The following PKD1L1 variants were observed in gnomAD, a reference collection of about 807,000 sequenced individuals.
PKD1L1 encodes polycystin-1-like protein 1.
PKD1L1 carries 236 observed loss-of-function variants against 323.4 expected under a neutral mutation model. The ratio of observed to expected loss-of-function variants is 0.73; its 90% CI spans 0.66 to 0.81. The LOEUF (loss-of-function observed/expected upper bound fraction) is 0.81, where lower values mean the gene tolerates loss of function less well. Ranked by LOEUF, PKD1L1 falls within the 40% of genes least tolerant of loss-of-function variation. PKD1L1 has a pLI of 0.00. For synonymous variants in PKD1L1, 1,344 were observed against 1,335.0 expected (o/e 1.01, Z -0.15); for missense variants, 3,320 against 3,508.0 (o/e 0.95, Z 1.35).
chr7:47,836,364 G>C (rs1785458280), intron 37 of PKD1L1, among the ~76,000 whole-genome samples: 1 of 152,148 alleles, frequency 6.6e-6, no homozygotes. Context: ...TGTTGTCGTA[G>C]TAAACAAGTC....
Position 47,839,463 on chromosome 7 carries a change from C to CG in PKD1L1, c.5751_5752insC (p.Gly1918ArgfsTer116). ...GAGCCTACCTTCCGGAAGCCGAGTC[C>CG]CCCTTGCAGACAGGTGAGCTCCCGC... On this transcript the variant is annotated frameshift_variant, in exon 36 of 57. Transcript: ENST00000289672. LOFTEE classifies it high-confidence loss of function. The surrounding 1 kb of genome is among the most constrained non-coding windows in gnomAD (Gnocchi z 4.3). The CG allele has an allele frequency of 1.9e-6, 3 of 1,610,456 alleles. No individual in the cohort carries two copies. Among genetic ancestry groups the CG allele is most frequent in the Non-Finnish European group, 2.5e-6 (3 of 1,178,412 alleles).
chr7:47,852,435 C>T (rs1208368617), intron 31 of PKD1L1, among the ~76,000 whole-genome samples: 1 of 152,038 alleles, frequency 6.6e-6, no homozygotes, highest in African/African-American at 2.4e-5. Context: ...TAACTATATC[C>T]CAGTAAACAT....
At chr7:47,957,862 A>ATATATATATATAT in the PKD1L1 span, among the ~76,000 whole-genome samples, 1,903 of 134,620 alleles carry the variant, frequency 0.014, 27 homozygotes, top group Non-Finnish European at 0.022. Context: ...ATTAAAAAAA[A>ATATATATATATAT]ATATATATAT....
At chr7:47,905,524 A>C (rs1386159337) in intron 10 of PKD1L1, among the ~76,000 whole-genome samples, 199 bp from the exon 11 acceptor site, 1 of 152,208 alleles carries the variant, frequency 6.6e-6, no homozygotes, top group Non-Finnish European at 1.5e-5. Context: ...AAGGCCCCAA[A>C]GTGCTTGCAC....
In PKD1L1 at chr7:47,929,488, C is replaced by G. The variant is rs141188059; in HGVS notation, c.776G>C (p.Ser259Thr). ...GLPPGIPRTP[S>T]FTASQSGSEI... ...AGAACCAGACTGCGATGCCGTGAAG[C>G]TGGGGGTGCGAGGAATGCCAGGCGG... Residue 259 changes from serine to threonine, a missense_variant, in exon 7 of 57, where the codon AGC (serine) becomes ACC (threonine). Coordinates refer to ENST00000289672, the MANE Select transcript of PKD1L1 (RefSeq NM_138295.5). The G allele has an allele frequency of 1.2e-4, 191 of 1,613,902 alleles. No homozygotes were observed. The highest frequency in any genetic ancestry group is 1.6e-4 in the Non-Finnish European group (187 of 1,179,952).
At chr7:47,936,161 T>A (rs1026447691) in intron 4 of PKD1L1, among the ~76,000 whole-genome samples, 1 of 152,216 alleles carries the variant, frequency 6.6e-6, no homozygotes, top group Non-Finnish European at 1.5e-5. Flanking sequence ...TGTGTTTTTT[T>A]AAATTGTGGT....
intron 18 of PKD1L1, 88 bp from the exon 19 acceptor site, chr7:47,884,745 T>C (rs1786644275): frequency 2.8e-6 from 3 of 1,058,312 alleles, no homozygotes; most frequent in Non-Finnish European, 4.4e-6. Flanking sequence ...GGTCACATTG[T>C]CCTTGGTGTA....
intron 6 of PKD1L1, among the ~76,000 whole-genome samples, chr7:47,930,333 G>A (rs1251687696): frequency 6.6e-6 from 1 of 152,016 alleles, no homozygotes; most frequent in South Asian, 2.1e-4. Flanking sequence ...GTGAAACCCG[G>A]TCTCTACTAA....
rs551905648 is a variant in PKD1L1, at chr7:47,829,233, TA to T, written c.6735+191del. On this transcript the variant is annotated intron_variant, in intron 44 of 56. Coordinates refer to ENST00000289672, the MANE Select transcript of PKD1L1 (RefSeq NM_138295.5). The stretch of plus-strand genomic sequence containing the variant: ...GCTCTAACTTCTTTAGGATTGGAGT[TA>T]AAAAAAAATAAGTCCTATGTGTTCA... 1.2e-4 allele frequency among the ~76,000 whole-genome samples: 18 copies of T among 151,198 alleles called. No homozygotes were observed. In the East Asian group the frequency reaches 3.3e-3, roughly 28 times the overall value.
chr7:47,944,714 C>G (rs981115894), intron 1 of PKD1L1, among the ~76,000 whole-genome samples: 1 of 152,254 alleles, frequency 6.6e-6, no homozygotes, highest in African/African-American at 2.4e-5. Context: ...TAGGCCTTGA[C>G]AGCTGTCTGC....
rs865835713 is a variant in PKD1L1, at chr7:47,877,572, G to A, written c.3580C>T (p.Arg1194Trp). 11 of 1,614,014 alleles carry A rather than the reference G, an allele frequency of 6.8e-6. No homozygotes were observed. Among genetic ancestry groups the A allele is most frequent in the Middle Eastern group, 1.6e-4 (1 of 6,084 alleles). The part of the protein sequence containing the change: ...QLYLTVNPAP[R>W]DMACQVQPHH... ...GGCTGCACCTGACAGGCCATGTCCC[G>A]AGGAGCCGGGTTGACTGTCAAGTAC... is the stretch of plus-strand genomic sequence containing the variant. The change falls in exon 22 of 57, where the codon CGG becomes TGG. Residue 1194 changes from arginine to tryptophan, a missense_variant. Physicochemically the swap from Arg to Trp is moderately radical, Grantham distance 101 (BLOSUM62 -3). Transcript: ENST00000289672.
At chr7:47,933,511 T>C (rs1279091137) in intron 4 of PKD1L1, among the ~76,000 whole-genome samples, 1 of 152,168 alleles carries the variant, frequency 6.6e-6, no homozygotes, top group Non-Finnish European at 1.5e-5. Flanking sequence ...GTCAACAATG[T>C]GGACTGCACT....
At chr7:47,833,321 T>C in intron 40 of PKD1L1, 69 bp from the exon 41 acceptor site, 1 of 1,519,642 alleles carries the variant, frequency 6.6e-7, no homozygotes, top group Non-Finnish European at 8.9e-7. Flanking sequence ...CGCTCAACAG[T>C]GGTGTGGCTT....
chr7:47,922,105 G>A (rs1021276301), intron 7 of PKD1L1, among the ~76,000 whole-genome samples: 9 of 152,334 alleles, frequency 5.9e-5, no homozygotes, highest in Middle Eastern at 3.4e-3. Context: ...GTGGAGACGG[G>A]GTTTTGCCGT....
chr7:47,958,394 A>G, the PKD1L1 span, among the ~76,000 whole-genome samples: 1 of 152,226 alleles, frequency 6.6e-6, no homozygotes, highest in African/African-American at 2.4e-5. Flanking sequence ...CCACATGCAG[A>G]AGAATGAATT....
chr7:47,934,975 G>A (rs559508942), intron 4 of PKD1L1, among the ~76,000 whole-genome samples: 1 of 152,290 alleles, frequency 6.6e-6, no homozygotes, highest in East Asian at 1.9e-4. Flanking sequence ...GGAGGTGGGA[G>A]GTGGAGTCAA....
chr7:47,813,925 T>C lies in PKD1L1; in HGVS notation c.7173+6A>G. 4 of 1,611,452 alleles carry C rather than the reference T, an allele frequency of 2.5e-6. No individual in the cohort carries two copies. The highest frequency in any genetic ancestry group is 3.4e-6 in the Non-Finnish European group (4 of 1,177,558). On this transcript the variant is annotated splice_donor_region_variant and intron_variant, in intron 48 of 56. Coordinates refer to ENST00000289672, the MANE Select transcript of PKD1L1 (RefSeq NM_138295.5). Reference sequence around the variant, plus strand: ...CTTGGAAGCAAAAGGAAAAGGAACATCTTACCTTGCATAAATGCCTAGGAA... The same window carrying C: ...CTTGGAAGCAAAAGGAAAAGGAACACCTTACCTTGCATAAATGCCTAGGAA...
chr7:47,953,961 T>G, the PKD1L1 span, among the ~76,000 whole-genome samples: 18 of 152,354 alleles, frequency 1.2e-4, no homozygotes, highest in Middle Eastern at 6.8e-3. Flanking sequence ...AAGGCTTCAC[T>G]AGAATTTTCT....
chr7:47,816,219 G>A (rs141626883), intron 46 of PKD1L1, among the ~76,000 whole-genome samples: 111 of 152,366 alleles, frequency 7.3e-4, no homozygotes, highest in African/African-American at 2.6e-3. Context: ...CATAGATGAA[G>A]TGCAGTGTTG....
Sources: allele counts gnomAD v4.1 joint callset (sites outside exome capture counted in the v4.1 genomes callset), GRCh38; gene constraint gnomAD v4.1.1; non-coding constraint Gnocchi (gnomAD v3.1); transcripts MANE v1.5; gene names NCBI Gene and HGNC (gene_info 2026-07-23, HGNC 2026-07-21).